The following FAM174A variants were observed in gnomAD, a reference collection of about 807,000 sequenced individuals.
FAM174A encodes membrane protein FAM174A.
In FAM174A, 14 loss-of-function variants were observed where a neutral mutation model predicts 14.3. The ratio of observed to expected loss-of-function variants is 0.98; its 90% CI spans 0.65 to 1.53. The LOEUF (loss-of-function observed/expected upper bound fraction) is 1.53. Among genes scored for constraint, FAM174A ranks in the 40% most tolerant of loss-of-function variants. FAM174A has a pLI of 0.00. For missense variants in FAM174A, 241 were observed against 249.6 expected, an observed-to-expected ratio of 0.97 and a Z score of 0.23; for synonymous variants, 108 against 111.4, an observed-to-expected ratio of 0.97 and a Z score of 0.19.
At chr5:100,555,239 C>G (rs937517584) in intron 1 of FAM174A, among the ~76,000 whole-genome samples, 27 of 151,962 alleles carry the variant, frequency 1.8e-4, no homozygotes, top group Non-Finnish European at 2.6e-4. Flanking sequence ...TCATCCATGT[C>G]CCTACAAAGG....
intron 2 of FAM174A, among the ~76,000 whole-genome samples, chr5:100,573,643 A>G (rs1746840130): frequency 6.6e-6 from 1 of 150,720 alleles, no homozygotes; most frequent in East Asian, 1.9e-4. Flanking sequence ...GAAAATGGCC[A>G]TACTGCCCAA....
intron 2 of FAM174A, among the ~76,000 whole-genome samples, chr5:100,576,225 T>C (rs1265073478): frequency 1.3e-5 from 2 of 152,142 alleles, no homozygotes; most frequent in East Asian, 1.9e-4. Flanking sequence ...CAATATATGG[T>C]TTAATATAAA....
At chr5:100,558,189 T>C (rs1561317385) in intron 1 of FAM174A, among the ~76,000 whole-genome samples, 2 of 152,244 alleles carry the variant, frequency 1.3e-5, no homozygotes, top group Non-Finnish European at 2.9e-5. Context: ...CTTCATTTCG[T>C]TATGTACCCA....
At chr5:100,541,959 G>T (rs1263596710) in intron 1 of FAM174A, among the ~76,000 whole-genome samples, 2 of 152,174 alleles carry the variant, frequency 1.3e-5, no homozygotes, top group East Asian at 3.9e-4. Context: ...CTTATTCCAT[G>T]AACTCTTCTT....
intron 1 of FAM174A, among the ~76,000 whole-genome samples, chr5:100,558,574 G>A (rs1206153492): frequency 5.9e-5 from 9 of 151,722 alleles, no homozygotes; most frequent in African/African-American, 1.9e-4. Context: ...TGGGAGTCTA[G>A]GTCTCTTTGT....
chr5:100,568,225 A>T (rs1463298620), intron 2 of FAM174A, among the ~76,000 whole-genome samples: 2 of 151,924 alleles, frequency 1.3e-5, no homozygotes, highest in African/African-American at 4.8e-5. Context: ...AGATGTGGTC[A>T]GTGGGAGCGT....
intron 2 of FAM174A, among the ~76,000 whole-genome samples, chr5:100,570,683 G>A (rs1251164069): frequency 6.6e-6 from 1 of 151,958 alleles, no homozygotes; most frequent in East Asian, 1.9e-4. Flanking sequence ...AGGGAATTAA[G>A]ATTGCTAATA....
intron 2 of FAM174A, among the ~76,000 whole-genome samples, chr5:100,568,903 T>A (rs1746720159): frequency 6.6e-6 from 1 of 151,968 alleles, no homozygotes; most frequent in South Asian, 2.1e-4. Context: ...TATTTTAGTT[T>A]GCTTTCTGTT....
chr5:100,560,855 T>G (rs543606135), intron 1 of FAM174A, among the ~76,000 whole-genome samples: 111 of 152,120 alleles, frequency 7.3e-4, no homozygotes, highest in African/African-American at 2.5e-3. Flanking sequence ...GTGAAACACA[T>G]TTTGCTGTCT....
Position 100,575,544 on chromosome 5 carries a change from T to G in FAM174A, c.570-10637T>G, listed in dbSNP as rs993161532. ...GCTATAGTTTGCTGAGAATGATGGT[T>G]TCCAGCTTCATCCATGTCCCTAAAA... On this transcript the variant is annotated intron_variant, in intron 2 of 2. Coordinates refer to ENST00000312637, the MANE Select transcript of FAM174A (RefSeq NM_198507.3). 2.0e-5 allele frequency among the ~76,000 whole-genome samples: 3 copies of G among 152,122 alleles called. No individual in the cohort carries two copies. In the East Asian group the frequency reaches 5.8e-4, roughly 29 times the overall value.
chr5:100,570,690 A>G (rs10065426), intron 2 of FAM174A, among the ~76,000 whole-genome samples: 12,471 of 151,956 alleles, frequency 0.082, 794 homozygotes, highest in African/African-American at 0.17. Flanking sequence ...TAAGATTGCT[A>G]ATAGGTGGAT....
intron 2 of FAM174A, among the ~76,000 whole-genome samples, chr5:100,572,375 A>G (rs1353617942): frequency 6.6e-6 from 1 of 150,860 alleles, no homozygotes; most frequent in East Asian, 2.0e-4. Flanking sequence ...AGCATTAGGT[A>G]TATCTCCCCA....
intron 1 of FAM174A, among the ~76,000 whole-genome samples, chr5:100,561,555 T>A (rs1473279451): frequency 6.6e-6 from 1 of 151,970 alleles, no homozygotes; most frequent in Non-Finnish European, 1.5e-5. Flanking sequence ...GTCCTAAACA[T>A]GGGACTTTAA....
intron 2 of FAM174A, among the ~76,000 whole-genome samples, chr5:100,572,146 G>A (rs1746794825): frequency 6.6e-6 from 1 of 151,004 alleles, no homozygotes; most frequent in Admixed American, 6.6e-5. Context: ...TAGTATTCCT[G>A]CTTAAGGAAG....
In FAM174A at chr5:100,564,043, AC is replaced by A. The variant is rs566700534; in HGVS notation, c.569+1857del. Among the ~76,000 whole-genome samples the A allele has an allele frequency of 5.2e-3, 796 of 151,788 alleles. 1 individual carries two copies. The highest frequency in any genetic ancestry group is 0.029 in the South Asian group (138 of 4,822). On this transcript the variant is annotated intron_variant, in intron 2 of 2. Coordinates refer to ENST00000312637, the MANE Select transcript of FAM174A (RefSeq NM_198507.3). ...AATGTGGTTGTTTTAAGTGTGTAGC[AC>A]CTGCTCCTCCTTGCTCCTATATTTG...
chr5:100,555,613 T>C (rs1166693466), intron 1 of FAM174A, among the ~76,000 whole-genome samples: 1 of 152,048 alleles, frequency 6.6e-6, no homozygotes, highest in Non-Finnish European at 1.5e-5. Flanking sequence ...TTTTGAATGA[T>C]CGCCATTCTA....
At chr5:100,582,500 A>G (rs1747041921) in intron 2 of FAM174A, among the ~76,000 whole-genome samples, 1 of 151,992 alleles carries the variant, frequency 6.6e-6, no homozygotes, top group East Asian at 1.9e-4. Flanking sequence ...TGGTTTGATC[A>G]AATGCTTTTC....
At chr5:100,546,695 T>C (rs1746170410) in intron 1 of FAM174A, among the ~76,000 whole-genome samples, 1 of 152,228 alleles carries the variant, frequency 6.6e-6, no homozygotes, top group Non-Finnish European at 1.5e-5. Flanking sequence ...CTCCCTGTGC[T>C]ATCTTATAAG....
At chr5:100,586,158 G>A (rs1156934515) in intron 2 of FAM174A, 23 bp from the exon 3 acceptor site, 1 of 1,272,122 alleles carries the variant, frequency 7.9e-7, no homozygotes, top group Non-Finnish European at 1.1e-6. Context: ...GATATTTATG[G>A]TATTTTTTTC....
Sources: gnomAD v4.1 joint callset for allele counts (sites outside exome capture counted in the v4.1 genomes callset) on GRCh38, gnomAD v4.1.1 for gene constraint, MANE v1.5 for transcripts, NCBI Gene and HGNC (gene_info 2026-07-23, HGNC 2026-07-21) for gene names.